The following ULK2 variants were observed in gnomAD, a reference collection of about 807,000 sequenced individuals.
The protein encoded by ULK2 is serine/threonine-protein kinase ULK2.
ULK2 carries 76 observed loss-of-function variants against 127.5 expected under a neutral mutation model. That is an observed-to-expected ratio of 0.60 (90% confidence interval 0.50 to 0.72). The LOEUF (loss-of-function observed/expected upper bound fraction) is 0.72. Ranked by LOEUF, ULK2 falls within the 30% of genes least tolerant of loss-of-function variation. ULK2 has a pLI of 0.00. For synonymous variants in ULK2, 452 were observed against 461.9 expected (o/e 0.98, Z 0.28); for missense variants, 1,144 against 1,295.9 (o/e 0.88, Z 1.80).
Position 19,862,029 on chromosome 17 carries a change from A to T in ULK2, c.225+2774T>A, listed in dbSNP as rs191243014. 2.8e-3 allele frequency among the ~76,000 whole-genome samples: 428 copies of T among 152,308 alleles called. 1 individual carries two copies. Among genetic ancestry groups the T allele is most frequent in the African/African-American group, 0.01 (419 of 41,584 alleles). On this transcript the variant is annotated intron_variant, in intron 3 of 26. Coordinates refer to ENST00000395544, the MANE Select transcript of ULK2 (RefSeq NM_014683.4). ...AGAAATTGAAGTTAAATAATCAAAA[A>T]TATGTTCAGAAGATATACATAATTC...
Position 19,867,907 on chromosome 17 carries a change from C to A in ULK2, c.-490G>T, listed in dbSNP as rs112759272. ...CCGCCTCGCGGCGGCGCCCAACGCC[C>A]TCGCGCGCGCTACCCGCTCCCGCGC... On this transcript the variant is annotated 5_prime_UTR_variant, in exon 1 of 27. The change creates a new upstream start codon in the 5' untranslated region. Coordinates refer to ENST00000395544, the MANE Select transcript of ULK2 (RefSeq NM_014683.4). 6.6e-6 allele frequency: 1 copy of A among 151,012 alleles called. No individual in the cohort carries two copies. The highest frequency in any genetic ancestry group is 1.5e-5 in the Non-Finnish European group (1 of 67,668). 9.4% of individuals were successfully genotyped at this position (151,012 alleles called of 1,614,324 possible). A position where few individuals can be genotyped will look rare whatever the true frequency, so the allele number is the denominator to read the frequency against.
At chr17:19,850,860 G>A (rs945336533) in intron 3 of ULK2, among the ~76,000 whole-genome samples, 8 of 151,740 alleles carry the variant, frequency 5.3e-5, no homozygotes, top group South Asian at 2.1e-4. Flanking sequence ...GGTCTAGATC[G>A]ATCTAGACCT....
At chr17:19,836,664 T>C (rs2041605080) in intron 10 of ULK2, among the ~76,000 whole-genome samples, 1 of 151,512 alleles carries the variant, frequency 6.6e-6, no homozygotes, top group Non-Finnish European at 1.5e-5. Flanking sequence ...CCCAGCACTT[T>C]GGGAGGCTGA....
At chr17:19,795,828 A>G in intron 19 of ULK2, 103 bp from the exon 20 acceptor site, 3 of 1,121,744 alleles carry the variant, frequency 2.7e-6, no homozygotes, top group Non-Finnish European at 2.6e-6. Context: ...ATAGATACCA[A>G]ACAATTCAGG....
intron 20 of ULK2, among the ~76,000 whole-genome samples, chr17:19,794,957 T>C (rs1473122271): frequency 2.6e-5 from 4 of 151,838 alleles, no homozygotes; most frequent in East Asian, 1.9e-4. Flanking sequence ...CGGGCGCCTA[T>C]AGTCCCAACT....
In ULK2 at chr17:19,795,608, T is replaced by C; in HGVS notation, c.2101+14A>G. 6.2e-7 allele frequency: 1 copy of C among 1,605,818 alleles called. No individual in the cohort carries two copies. Among genetic ancestry groups the C allele is most frequent in the Middle Eastern group, 1.7e-4 (1 of 6,046 alleles). On this transcript the variant is annotated intron_variant, in intron 20 of 26. Coordinates refer to ENST00000395544, the MANE Select transcript of ULK2 (RefSeq NM_014683.4). ...GCAAATTACCTGCCTAAAAAGAAAC[T>C]ACATTTTTCTTACCTATATCCATTG...
chr17:19,809,050 C>T (rs1055570921), intron 14 of ULK2, among the ~76,000 whole-genome samples: 8 of 151,996 alleles, frequency 5.3e-5, no homozygotes, highest in African/African-American at 1.9e-4. Context: ...AATGGATAAA[C>T]AAAATGTAGC....
At chr17:19,854,344 G>T (rs973512427) in intron 3 of ULK2, among the ~76,000 whole-genome samples, 2 of 151,304 alleles carry the variant, frequency 1.3e-5, no homozygotes, top group African/African-American at 4.9e-5. Context: ...CCCAACATAG[G>T]TTTGTGGAAA....
intron 18 of ULK2, among the ~76,000 whole-genome samples, 189 bp from the exon 19 acceptor site, chr17:19,796,471 C>A (rs1035167180): frequency 2.6e-5 from 4 of 151,960 alleles, no homozygotes; most frequent in Non-Finnish European, 5.9e-5. Flanking sequence ...TAGGATTTGG[C>A]TGAAGGCAAC....
intron 13 of ULK2, among the ~76,000 whole-genome samples, chr17:19,813,243 A>G (rs2040888286): frequency 6.6e-6 from 1 of 152,152 alleles, no homozygotes. Context: ...TGTCAATGAG[A>G]CACTCCCACA....
chr17:19,866,963 G>T (rs781715736), intron 1 of ULK2, among the ~76,000 whole-genome samples: 4 of 152,108 alleles, frequency 2.6e-5, no homozygotes, highest in Non-Finnish European at 5.9e-5. Context: ...ACCAGCCCTG[G>T]GCACGGGGAA....
chr17:19,790,992 A>G (rs2087139628), intron 20 of ULK2, among the ~76,000 whole-genome samples: 2 of 152,224 alleles, frequency 1.3e-5, no homozygotes, highest in South Asian at 4.1e-4. Context: ...CTACACGAGC[A>G]TACAGATATA....
At chr17:19,849,284 G>T in intron 5 of ULK2, 85 bp downstream of exon 5, 1 of 1,163,294 alleles carries the variant, frequency 8.6e-7, no homozygotes, top group South Asian at 1.4e-5. Flanking sequence ...AGCAGAAAAT[G>T]GGTAGTGTAT....
In ULK2 at chr17:19,843,159, C is replaced by T. The variant is rs1555564057; in HGVS notation, c.607G>A (p.Val203Met). 1.2e-6 allele frequency: 2 copies of T among 1,612,306 alleles called. No individual in the cohort carries two copies. The highest frequency in any genetic ancestry group is 3.4e-5 in the Admixed American group (2 of 59,486). ...TTTCCAACTAGGCATTGGTATATCACTGTTCCTATGCTCCACAAGTCAGCC... is the reference window on the plus strand; with the variant it reads ...TTTCCAACTAGGCATTGGTATATCATTGTTCCTATGCTCCACAAGTCAGCC... ...AKADLWSIGT[V>M]IYQCLVGKPP... is the part of the protein sequence containing the mutation. Residue 203 changes from valine to methionine, a missense_variant, in exon 8 of 27, where the codon GTG becomes ATG. By Grantham distance (21) the Val-to-Met change is conservative (BLOSUM62 1). Transcript: ENST00000395544.
intron 1 of ULK2, 45 bp downstream of exon 1, chr17:19,867,283 C>G: frequency 6.8e-7 from 1 of 1,474,484 alleles, no homozygotes; most frequent in East Asian, 2.6e-5. Flanking sequence ...CACCTAGCCC[C>G]GTGCCTGCCG....
At position 19,774,914 on chromosome 17, in the gene ULK2, T is replaced by A. The variant is rs1218481741; in HGVS notation, c.*1435A>T. Reference sequence around the variant, plus strand: ...AAGACCTAAAAATACAAACGTCATATAAATAAATGTTCAAATTAACTACTG... The same window carrying A: ...AAGACCTAAAAATACAAACGTCATAAAAATAAATGTTCAAATTAACTACTG... On this transcript the variant is annotated 3_prime_UTR_variant, in exon 27 of 27. Coordinates refer to ENST00000395544, the MANE Select transcript of ULK2 (RefSeq NM_014683.4). 6.6e-6 allele frequency: 1 copy of A among 152,662 alleles called. No homozygotes were observed. The highest frequency in any genetic ancestry group is 1.5e-5 in the Non-Finnish European group (1 of 68,036). 9.5% of individuals were successfully genotyped at this position (152,662 alleles called of 1,614,324 possible). A position where few individuals can be genotyped will look rare whatever the true frequency, so the allele number is the denominator to read the frequency against.
In ULK2 at chr17:19,771,325, A is replaced by G. The variant is rs2086734107; in HGVS notation, c.*5024T>C. The G allele has an allele frequency of 6.6e-6, 1 of 152,240 alleles. No homozygotes were observed. Among genetic ancestry groups the G allele is most frequent in the Non-Finnish European group, 1.5e-5 (1 of 68,036 alleles). 9.4% of individuals were successfully genotyped at this position (152,240 alleles called of 1,614,324 possible). On this transcript the variant is annotated 3_prime_UTR_variant, in exon 27 of 27. Coordinates refer to ENST00000395544, the MANE Select transcript of ULK2 (RefSeq NM_014683.4). ...TAACAATTATCAGACTGACACAAAC[A>G]TTCCACTTAAACAGCCAAATTGACT...
intron 20 of ULK2, among the ~76,000 whole-genome samples, chr17:19,788,363 T>C (rs2087079801): frequency 6.6e-6 from 1 of 151,734 alleles, no homozygotes; most frequent in Non-Finnish European, 1.5e-5. Flanking sequence ...TCTTATGTCT[T>C]GGATACTAGG....
chr17:19,863,496 GTTTT>G (rs774471418), intron 3 of ULK2, among the ~76,000 whole-genome samples: 1 of 131,868 alleles, frequency 7.6e-6, no homozygotes. Flanking sequence ...TGTGATTCTA[GTTTT>G]TTTTTTTTTT....
Sources: allele counts gnomAD v4.1 joint callset (sites outside exome capture counted in the v4.1 genomes callset), GRCh38; gene constraint gnomAD v4.1.1; transcripts MANE v1.5; gene names NCBI Gene and HGNC (gene_info 2026-07-23, HGNC 2026-07-21).